The following ILRUN variants were observed in gnomAD, a reference collection of about 807,000 sequenced individuals.
The protein encoded by ILRUN is protein ILRUN.
A neutral mutation model predicts 33.8 loss-of-function variants in ILRUN; 3 were observed. The ratio of observed to expected loss-of-function variants is 0.09; its 90% CI spans 0.04 to 0.23. The LOEUF is 0.23. Among genes scored for constraint, ILRUN ranks in the 10% least tolerant of loss-of-function variants. The probability of loss-of-function intolerance (pLI) is 1.00; values close to 1 mark genes in which losing one functional copy is unlikely to be tolerated. For missense variants in ILRUN, 210 were observed against 375.1 expected, an observed-to-expected ratio of 0.56 and a Z score of 3.64; for synonymous variants, 124 against 138.9, an observed-to-expected ratio of 0.89 and a Z score of 0.75.
At chr6:34,629,173 T>C (rs554596757) in intron 3 of ILRUN, among the ~76,000 whole-genome samples, 1 of 152,214 alleles carries the variant, frequency 6.6e-6, no homozygotes, top group Non-Finnish European at 1.5e-5. Flanking sequence ...AGAAAACTCA[T>C]TTGGACCTGG....
intron 3 of ILRUN, among the ~76,000 whole-genome samples, chr6:34,644,896 G>A (rs1762537411): frequency 6.6e-6 from 1 of 152,050 alleles, no homozygotes; most frequent in Non-Finnish European, 1.5e-5. Flanking sequence ...AAAGCATATG[G>A]CATCTTTGGG....
At chr6:34,694,907 C>T (rs945311270) in intron 1 of ILRUN, among the ~76,000 whole-genome samples, 6 of 151,966 alleles carry the variant, frequency 3.9e-5, no homozygotes, top group Admixed American at 6.6e-5. Context: ...AAAAATTAGC[C>T]GGGCGAGGTG....
intron 3 of ILRUN, among the ~76,000 whole-genome samples, chr6:34,645,126 A>C (rs983119742): frequency 2.0e-5 from 3 of 152,176 alleles, no homozygotes; most frequent in Non-Finnish European, 4.4e-5. Flanking sequence ...TGAGATCACT[A>C]ATTCTAGGAT....
At chr6:34,623,810 CT>C (rs1311895676) in intron 3 of ILRUN, among the ~76,000 whole-genome samples, 12 of 152,050 alleles carry the variant, frequency 7.9e-5, no homozygotes, top group Admixed American at 7.2e-4. Context: ...AGACAAATGG[CT>C]GGTATTCTTA....
At chr6:34,624,257 G>A (rs943904809) in intron 3 of ILRUN, among the ~76,000 whole-genome samples, 1 of 152,128 alleles carries the variant, frequency 6.6e-6, no homozygotes, top group Non-Finnish European at 1.5e-5. Context: ...ATACTTCCAA[G>A]TATTTATTAA....
Position 34,646,922 on chromosome 6 carries a change from T to C in ILRUN, c.314-124A>G. The C allele has an allele frequency of 1.3e-6, 1 of 789,590 alleles. No homozygotes were observed. Among genetic ancestry groups the C allele is most frequent in the Non-Finnish European group, 2.1e-6 (1 of 483,456 alleles). 48.9% of individuals were successfully genotyped at this position (789,590 alleles called of 1,614,324 possible). On this transcript the variant is annotated intron_variant, in intron 2 of 4. Transcript: ENST00000374023. This position sits in a 1 kb window ranked among gnomAD's most constrained non-coding sequence, Gnocchi z 4.9. The stretch of plus-strand genomic sequence containing the variant: ...ACATACATACATAAACCTAACCACA[T>C]ATACCTAAGCCATATATTGTCTCAC...
chr6:34,617,735 T>TA (rs1184758363), intron 3 of ILRUN, among the ~76,000 whole-genome samples: 7 of 152,290 alleles, frequency 4.6e-5, no homozygotes, highest in African/African-American at 1.4e-4. Flanking sequence ...TACCACCTCT[T>TA]ACCTCAAATG....
chr6:34,676,246 A>T (rs1763226672), intron 1 of ILRUN, among the ~76,000 whole-genome samples: 1 of 151,982 alleles, frequency 6.6e-6, no homozygotes, highest in Non-Finnish European at 1.5e-5. Context: ...TCTACAAAAA[A>T]AAAAATGCTG....
intron 4 of ILRUN, among the ~76,000 whole-genome samples, chr6:34,597,853 T>C (rs1761432838): frequency 6.6e-6 from 1 of 152,186 alleles, no homozygotes; most frequent in African/African-American, 2.4e-5. Flanking sequence ...ACACCCTGCC[T>C]GTGGTTGCCT....
At chr6:34,694,893 CA>C (rs1285585083) in intron 1 of ILRUN, among the ~76,000 whole-genome samples, 1 of 151,334 alleles carries the variant, frequency 6.6e-6, no homozygotes, top group Admixed American at 6.6e-5. Flanking sequence ...ACTAAAAATA[CA>C]AAAAAAATTA....
intron 3 of ILRUN, among the ~76,000 whole-genome samples, chr6:34,619,900 G>A (rs1359145384): frequency 2.7e-5 from 4 of 149,050 alleles, no homozygotes; most frequent in South Asian, 2.1e-4. Context: ...CAGGAGAATC[G>A]TTTGAATCTG....
At chr6:34,691,742 GC>G (rs1187968932) in intron 1 of ILRUN, among the ~76,000 whole-genome samples, 14 of 151,952 alleles carry the variant, frequency 9.2e-5, no homozygotes, top group Non-Finnish European at 1.6e-4. Context: ...GTTGCAGTGA[GC>G]CAAGATCGCA....
At chr6:34,669,965 G>A (rs1763082523) in intron 1 of ILRUN, among the ~76,000 whole-genome samples, 1 of 151,816 alleles carries the variant, frequency 6.6e-6, no homozygotes, top group African/African-American at 2.4e-5. Context: ...AGGCTGGAAT[G>A]TAATGGCGCA....
At position 34,657,653 on chromosome 6, in the gene ILRUN, G is replaced by A. The variant is rs141361113; in HGVS notation, c.159-2874C>T. Among the ~76,000 whole-genome samples the A allele has an allele frequency of 6.8e-3, 1,040 of 152,250 alleles. 4 individuals are homozygous for A. Among genetic ancestry groups the A allele is most frequent in the Non-Finnish European group, 0.011 (766 of 68,016 alleles). On this transcript the variant is annotated intron_variant, in intron 1 of 4. Coordinates refer to ENST00000374023, the MANE Select transcript of ILRUN (RefSeq NM_024294.4). Reference sequence around the variant, plus strand: ...GCAGAAAGTGGACTTTAGCCCGAGTGATCTAACCCATCAAGCAGGTACACA... The same window carrying A: ...GCAGAAAGTGGACTTTAGCCCGAGTAATCTAACCCATCAAGCAGGTACACA...
chr6:34,640,737 G>A (rs1168516022), intron 3 of ILRUN, among the ~76,000 whole-genome samples: 8 of 140,782 alleles, frequency 5.7e-5, no homozygotes, highest in East Asian at 2.0e-4. Flanking sequence ...ATGAATGAAT[G>A]AATAAATAAA....
chr6:34,624,497 T>G (rs1305642446), intron 3 of ILRUN, among the ~76,000 whole-genome samples: 2 of 151,678 alleles, frequency 1.3e-5, no homozygotes, highest in East Asian at 3.9e-4. Flanking sequence ...CTAATTTTGT[T>G]TTTTTGTTTT....
At chr6:34,654,815 C>T (rs925498661) in intron 1 of ILRUN, 36 bp from the exon 2 acceptor site, 1 of 1,596,162 alleles carries the variant, frequency 6.3e-7, no homozygotes, top group Non-Finnish European at 8.5e-7. Flanking sequence ...GACTTCAGTA[C>T]TGTCCAGATA....
rs1203721482 is a variant in ILRUN, at chr6:34,637,843, T to TTGCTGCTGCTGCTGC, written c.511+8743_511+8757dup. ...CAGTCATTTCACATTGCTGTTGTTG[T>TTGCTGCTGCTGCTGC]TGCTGCTGCTGCTGCTGCTGCTGTT... On this transcript the variant is annotated intron_variant, in intron 3 of 4. Transcript: ENST00000374023. 2.6e-3 allele frequency among the ~76,000 whole-genome samples: 374 copies of TTGCTGCTGCTGCTGC among 141,316 alleles called. 2 individuals are homozygous for TTGCTGCTGCTGCTGC. The highest frequency in any genetic ancestry group is 8.7e-3 in the African/African-American group (335 of 38,408). 92.7% of individuals were successfully genotyped at this position (141,316 alleles called of 152,430 possible).
At chr6:34,618,048 A>C (rs1320530717) in intron 3 of ILRUN, among the ~76,000 whole-genome samples, 2 of 152,204 alleles carry the variant, frequency 1.3e-5, no homozygotes, top group African/African-American at 4.8e-5. Flanking sequence ...TACAGCAATC[A>C]TTTAATCACT....
Sources: gnomAD v4.1 joint callset for allele counts (sites outside exome capture counted in the v4.1 genomes callset) on GRCh38, gnomAD v4.1.1 for gene constraint, Gnocchi (gnomAD v3.1) non-coding constraint, MANE v1.5 for transcripts, NCBI Gene and HGNC (gene_info 2026-07-23, HGNC 2026-07-21) for gene names.